ASTN1: variants seen among roughly 807,000 people sequenced by gnomAD.
The protein encoded by ASTN1 is astrotactin 1.
Under a neutral mutation model 140.7 loss-of-function variants are expected in ASTN1, and 41 were observed. That is an observed-to-expected ratio of 0.29 (90% CI 0.23 to 0.38). The LOEUF (loss-of-function observed/expected upper bound fraction) is 0.38. ASTN1 is among the 10% of genes least tolerant of loss of function. ASTN1 has a pLI of 1.00. For missense variants in ASTN1, 1,479 were observed against 1,678.8 expected (o/e 0.88, Z 2.08); for synonymous variants, 640 against 652.2 (o/e 0.98, Z 0.29).
chr1:176,932,685 G>A (rs577473560), intron 16 of ASTN1, among the ~76,000 whole-genome samples: 64 of 152,352 alleles, frequency 4.2e-4, no homozygotes, highest in African/African-American at 1.5e-3. Context: ...TTGCAATCAA[G>A]ATAAGTAGGG....
intron 1 of ASTN1, among the ~76,000 whole-genome samples, chr1:177,107,408 T>C (rs1447708393): frequency 6.6e-6 from 1 of 152,220 alleles, no homozygotes; most frequent in Non-Finnish European, 1.5e-5. Flanking sequence ...AAAGTGGACA[T>C]GGCAAGAGAT....
At chr1:176,918,995 G>GCTACTCAGCCAAGTTTT (rs1168827754) in intron 16 of ASTN1, among the ~76,000 whole-genome samples, 1 of 152,174 alleles carries the variant, frequency 6.6e-6, no homozygotes, top group Non-Finnish European at 1.5e-5. Context: ...TGGCATAAGT[G>GCTACTCAGCCAAGTTTT]CTACTCAGCC....
intron 16 of ASTN1, among the ~76,000 whole-genome samples, chr1:176,911,290 C>CA (rs1435719105): frequency 6.6e-6 from 1 of 152,132 alleles, no homozygotes; most frequent in Non-Finnish European, 1.5e-5. Flanking sequence ...CATTACAGTA[C>CA]ACTCCTGCAG....
chr1:176,968,568 T>C (rs958646318), intron 8 of ASTN1, among the ~76,000 whole-genome samples: 1 of 152,110 alleles, frequency 6.6e-6, no homozygotes, highest in African/African-American at 2.4e-5. Context: ...GTGCATATTG[T>C]GAAATGGCAA....
At chr1:177,059,116 C>T (rs138614903) in intron 2 of ASTN1, among the ~76,000 whole-genome samples, 1 of 152,232 alleles carries the variant, frequency 6.6e-6, no homozygotes, top group East Asian at 1.9e-4. Context: ...TTACCTTAAA[C>T]ATTTTCATCA....
In ASTN1 at chr1:177,046,057, G is replaced by C. The variant is rs1339212282; in HGVS notation, c.472-13208C>G. Among the ~76,000 whole-genome samples, 3 of 152,116 alleles carry C rather than the reference G, an allele frequency of 2.0e-5. No individual in the cohort carries two copies. The East Asian group carries it at 5.8e-4, about 29-fold the overall frequency. ...CTTCTTAACTTCATTCTATAATTGGGGAAATTAAATTTGGCTTAACAGGAG... is the reference window on the plus strand; with the variant it reads ...CTTCTTAACTTCATTCTATAATTGGCGAAATTAAATTTGGCTTAACAGGAG... On this transcript the variant is annotated intron_variant, in intron 2 of 22. Transcript: ENST00000361833.
chr1:176,892,374 T>C (rs1169216594), intron 17 of ASTN1, among the ~76,000 whole-genome samples: 1 of 152,142 alleles, frequency 6.6e-6, no homozygotes, highest in Non-Finnish European at 1.5e-5. Context: ...GGGGGTATCA[T>C]AAAAAGAGAA....
At chr1:177,035,664 T>C (rs1400287910) in intron 2 of ASTN1, among the ~76,000 whole-genome samples, 1 of 152,206 alleles carries the variant, frequency 6.6e-6, no homozygotes, top group East Asian at 1.9e-4. Context: ...GTGTACTTTC[T>C]TTCAACTTAG....
At chr1:177,141,289 G>A (rs1046213007) in intron 1 of ASTN1, among the ~76,000 whole-genome samples, 1 of 152,088 alleles carries the variant, frequency 6.6e-6, no homozygotes, top group African/African-American at 2.4e-5. Context: ...TGAGCTAATA[G>A]AGGAAAAGTA....
At chr1:177,136,276 CA>C (rs1343332450) in intron 1 of ASTN1, among the ~76,000 whole-genome samples, 1 of 152,108 alleles carries the variant, frequency 6.6e-6, no homozygotes, top group Non-Finnish European at 1.5e-5. Flanking sequence ...CTAAATATCC[CA>C]ATAGAATAGT....
intron 11 of ASTN1, among the ~76,000 whole-genome samples, chr1:176,952,243 T>G (rs1381259651): frequency 6.6e-6 from 1 of 151,880 alleles, no homozygotes; most frequent in Non-Finnish European, 1.5e-5. Flanking sequence ...TCTTTCTTTC[T>G]TTTTTTTCTC....
chr1:176,948,207 T>C (rs554224409), intron 12 of ASTN1, among the ~76,000 whole-genome samples: 67 of 152,028 alleles, frequency 4.4e-4, no homozygotes, highest in African/African-American at 1.5e-3. Flanking sequence ...AAGAACTATA[T>C]GTTATTTATC....
intron 8 of ASTN1, among the ~76,000 whole-genome samples, chr1:177,011,762 T>C (rs909039685): frequency 6.6e-6 from 1 of 151,706 alleles, no homozygotes; most frequent in Non-Finnish European, 1.5e-5. Context: ...CACATGCACA[T>C]TCAGGACCAG....
chr1:177,144,489 T>C (rs1682630968), intron 1 of ASTN1, among the ~76,000 whole-genome samples: 1 of 150,214 alleles, frequency 6.7e-6, no homozygotes, highest in African/African-American at 2.5e-5. Flanking sequence ...CCTGACCTCG[T>C]GATCCGCCCG....
intron 17 of ASTN1, among the ~76,000 whole-genome samples, chr1:176,892,751 T>A (rs1270408175): frequency 6.6e-6 from 1 of 152,218 alleles, no homozygotes; most frequent in Non-Finnish European, 1.5e-5. Flanking sequence ...CACATTGAAT[T>A]ATATTCTAAT....
intron 22 of ASTN1, among the ~76,000 whole-genome samples, chr1:176,864,977 G>C (rs969709133): frequency 6.6e-6 from 1 of 152,178 alleles, no homozygotes; most frequent in African/African-American, 2.4e-5. Context: ...AAGGATATTA[G>C]ATGTGACCAA....
At chr1:176,953,322 G>A (rs374962697) in intron 11 of ASTN1, among the ~76,000 whole-genome samples, 1 of 152,202 alleles carries the variant, frequency 6.6e-6, no homozygotes, top group Non-Finnish European at 1.5e-5. Context: ...GGAGAAAAGG[G>A]ATAGATTCTT....
intron 16 of ASTN1, among the ~76,000 whole-genome samples, chr1:176,926,406 G>A (rs1270093201): frequency 2.6e-5 from 4 of 152,016 alleles, no homozygotes; most frequent in African/African-American, 9.7e-5. Context: ...ACCTGGAGAA[G>A]ACTCAAATTA....
intron 1 of ASTN1, among the ~76,000 whole-genome samples, chr1:177,116,073 A>G (rs1240154290): frequency 6.6e-6 from 1 of 152,188 alleles, no homozygotes; most frequent in Non-Finnish European, 1.5e-5. Flanking sequence ...TAACATTGTC[A>G]TGAAACCCAA....
Sources: allele counts gnomAD v4.1 joint callset (sites outside exome capture counted in the v4.1 genomes callset), GRCh38; gene constraint gnomAD v4.1.1; transcripts MANE v1.5; gene names NCBI Gene and HGNC (gene_info 2026-07-23, HGNC 2026-07-21).